SHC3: variants seen among roughly 807,000 people sequenced by gnomAD.
SHC3 encodes SHC-transforming protein 3.
A neutral mutation model predicts 60.4 loss-of-function variants in SHC3; 15 were observed. The ratio of observed to expected loss-of-function variants is 0.25; its 90% CI spans 0.17 to 0.38. SHC3 has a LOEUF of 0.38. Ranked by LOEUF, SHC3 falls within the 10% of genes least tolerant of loss-of-function variation. SHC3 has a pLI of 1.00. For synonymous variants in SHC3, 294 were observed against 325.9 expected (o/e 0.90, Z 1.05); for missense variants, 677 against 786.1 (o/e 0.86, Z 1.66).
At chr9:89,172,082 C>A (rs1208297175) in intron 1 of SHC3, among the ~76,000 whole-genome samples, 3 of 152,216 alleles carry the variant, frequency 2.0e-5, no homozygotes, top group African/African-American at 7.2e-5. Context: ...ACCTTCTCAC[C>A]AACTCTCCTC....
intron 1 of SHC3, among the ~76,000 whole-genome samples, chr9:89,173,164 C>T (rs1429237023): frequency 6.6e-6 from 1 of 152,262 alleles, no homozygotes; most frequent in African/African-American, 2.4e-5. Flanking sequence ...TAGCCCCACA[C>T]TAAGCTGGCG....
At chr9:89,176,892 A>T (rs761004067) in intron 1 of SHC3, among the ~76,000 whole-genome samples, 1 of 152,204 alleles carries the variant, frequency 6.6e-6, no homozygotes, top group African/African-American at 2.4e-5. Flanking sequence ...CAGACACTGC[A>T]TTTTACCTGA....
At chr9:89,068,858 C>CA in intron 5 of SHC3, among the ~76,000 whole-genome samples, 1 of 152,252 alleles carries the variant, frequency 6.6e-6, no homozygotes, top group Admixed American at 6.5e-5. Context: ...GCTGTTAATG[C>CA]AAATATACAA....
chr9:89,130,567 C>A (rs1826229734), intron 1 of SHC3, among the ~76,000 whole-genome samples: 1 of 152,176 alleles, frequency 6.6e-6, no homozygotes, highest in Non-Finnish European at 1.5e-5. Flanking sequence ...CAAACTGTCT[C>A]TCAGACCACA....
chr9:89,132,551 T>A (rs370025026), intron 1 of SHC3, among the ~76,000 whole-genome samples: 2 of 152,022 alleles, frequency 1.3e-5, no homozygotes, highest in South Asian at 2.1e-4. Flanking sequence ...GGTACTGGTA[T>A]CAAAACAGAG....
intron 2 of SHC3, among the ~76,000 whole-genome samples, chr9:89,102,155 T>G (rs1825792617): frequency 6.6e-6 from 1 of 152,186 alleles, no homozygotes; most frequent in Non-Finnish European, 1.5e-5. Flanking sequence ...CTACAGCATC[T>G]AAAAGGATGA....
intron 1 of SHC3, among the ~76,000 whole-genome samples, chr9:89,138,984 C>A (rs750480087): frequency 1.3e-5 from 2 of 152,052 alleles, no homozygotes; most frequent in African/African-American, 4.8e-5. Flanking sequence ...CATTCCTACA[C>A]GAAGAGTACA....
intron 1 of SHC3, among the ~76,000 whole-genome samples, chr9:89,155,415 C>A (rs1438373567): frequency 6.6e-6 from 1 of 152,160 alleles, no homozygotes; most frequent in African/African-American, 2.4e-5. Flanking sequence ...GAAGCCTGGG[C>A]AAGAATGATG....
chr9:89,042,339 C>T (rs1387930308), intron 9 of SHC3, among the ~76,000 whole-genome samples, 155 bp from the exon 10 acceptor site: 1 of 152,244 alleles, frequency 6.6e-6, no homozygotes, highest in Non-Finnish European at 1.5e-5. Flanking sequence ...TGTCACCACA[C>T]ACTGCTGTGA....
At chr9:89,042,452 T>C (rs2117892057) in intron 9 of SHC3, among the ~76,000 whole-genome samples, 1 of 152,244 alleles carries the variant, frequency 6.6e-6, no homozygotes, top group South Asian at 2.1e-4. Context: ...TTAGCAAAAA[T>C]TTTGGCCCTT....
intron 3 of SHC3, among the ~76,000 whole-genome samples, chr9:89,076,321 G>A (rs761132952): frequency 6.6e-6 from 1 of 152,178 alleles, no homozygotes; most frequent in Non-Finnish European, 1.5e-5. Flanking sequence ...CCCTGTGGGT[G>A]CGTGAAAGTC....
intron 2 of SHC3, among the ~76,000 whole-genome samples, chr9:89,092,831 T>C: frequency 6.6e-6 from 1 of 152,110 alleles, no homozygotes; most frequent in East Asian, 1.9e-4. Context: ...CTTTTCTTTC[T>C]ATACCTTTAT....
intron 1 of SHC3, among the ~76,000 whole-genome samples, chr9:89,164,024 C>T (rs1171506159): frequency 6.6e-6 from 1 of 152,142 alleles, no homozygotes; most frequent in African/African-American, 2.4e-5. Context: ...GGCCTCACCT[C>T]CTAACACCAT....
chr9:89,155,358 C>A (rs1826607415), intron 1 of SHC3, among the ~76,000 whole-genome samples: 1 of 151,982 alleles, frequency 6.6e-6, no homozygotes, highest in African/African-American at 2.4e-5. Context: ...ACCACTCAGC[C>A]ATCTCCAGTC....
chr9:89,123,389 G>A (rs1826119076), intron 1 of SHC3, among the ~76,000 whole-genome samples: 1 of 152,158 alleles, frequency 6.6e-6, no homozygotes, highest in South Asian at 2.1e-4. Context: ...AAACTATCTG[G>A]AACCTCCCTC....
At chr9:89,139,091 C>T (rs1213149670) in intron 1 of SHC3, among the ~76,000 whole-genome samples, 1 of 152,164 alleles carries the variant, frequency 6.6e-6, no homozygotes, top group South Asian at 2.1e-4. Context: ...ACTGTTGGAA[C>T]CAGGCTGATA....
intron 11 of SHC3, among the ~76,000 whole-genome samples, chr9:89,030,386 A>T (rs1162560699): frequency 6.6e-6 from 1 of 152,264 alleles, no homozygotes; most frequent in Non-Finnish European, 1.5e-5. Flanking sequence ...CCTAATAGAT[A>T]TCTATAAAGA....
intron 2 of SHC3, 117 bp downstream of exon 2, chr9:89,112,439 A>C (rs903271669): frequency 1.3e-5 from 14 of 1,053,268 alleles, no homozygotes; most frequent in Non-Finnish European, 1.4e-6. Context: ...ACTCACTGTC[A>C]CCAGCCACTA....
intron 1 of SHC3, among the ~76,000 whole-genome samples, chr9:89,148,387 G>C (rs1826500066): frequency 2.6e-5 from 4 of 152,208 alleles, no homozygotes; most frequent in Admixed American, 2.0e-4. Flanking sequence ...ATAACCTCCT[G>C]TGACTCTGTA....
Sources: allele counts gnomAD v4.1 joint callset (sites outside exome capture counted in the v4.1 genomes callset), GRCh38; gene constraint gnomAD v4.1.1; transcripts MANE v1.5; gene names NCBI Gene and HGNC (gene_info 2026-07-23, HGNC 2026-07-21).